CCDC3: variants seen among roughly 807,000 people sequenced by gnomAD.
CCDC3 encodes the protein coiled-coil domain containing 3.
CCDC3 carries 24 observed loss-of-function variants against 21.4 expected under a neutral mutation model. The observed-to-expected ratio is 1.12, with a 90% CI of 0.81 to 1.58. The LOEUF (loss-of-function observed/expected upper bound fraction) is 1.58, where lower values mean the gene tolerates loss of function less well. Among genes scored for constraint, CCDC3 ranks in the 40% most tolerant of loss-of-function variants. The pLI is 0.00. For synonymous variants in CCDC3, 186 were observed against 166.0 expected (o/e 1.12, Z -0.93); for missense variants, 425 against 360.9 (o/e 1.18, Z -1.44).
intron 2 of CCDC3, among the ~76,000 whole-genome samples, chr10:12,910,422 C>G (rs1010149663): frequency 6.6e-6 from 1 of 152,028 alleles, no homozygotes. Context: ...CATATGTCCC[C>G]AAATAAATTC....
intron 2 of CCDC3, among the ~76,000 whole-genome samples, chr10:12,923,826 GAGCAT>G (rs2131219349): frequency 6.6e-6 from 1 of 152,254 alleles, no homozygotes; most frequent in South Asian, 2.1e-4. Context: ...GTGCTATTCT[GAGCAT>G]AAAGGTTTCA....
In CCDC3 at chr10:13,007,107, T is replaced by C. The variant is rs80305992; in HGVS notation, c.-1-8595A>G. Among the ~76,000 whole-genome samples, 241 of 152,332 alleles carry C rather than the reference T, an allele frequency of 1.6e-3. 1 individual carries two copies. The highest frequency in any genetic ancestry group is 5.6e-3 in the African/African-American group (233 of 41,580). On this transcript the variant is annotated intron_variant, in intron 5 of 6. Transcript: ENST00000378839. ...TCCTGTACTAGAGTCATAACTTTTCTAGAAAGAGGAGAAACCACAGAGATG... is the reference window on the plus strand; with the variant it reads ...TCCTGTACTAGAGTCATAACTTTTCCAGAAAGAGGAGAAACCACAGAGATG...
intron 1 of CCDC3, 45 bp from the exon 2 acceptor site, chr10:12,998,557 G>C: frequency 6.4e-7 from 1 of 1,572,164 alleles, no homozygotes; most frequent in South Asian, 1.2e-5. Flanking sequence ...GACAGTCAAG[G>C]GTGTACCAGC....
chr10:12,950,543 T>C (rs1834992548), intron 2 of CCDC3, among the ~76,000 whole-genome samples: 1 of 152,206 alleles, frequency 6.6e-6, no homozygotes. Flanking sequence ...AGGCAAATTG[T>C]TCTCTACTGA....
chr10:12,964,744 C>G (rs10906271), intron 2 of CCDC3, among the ~76,000 whole-genome samples: 143,248 of 152,326 alleles, frequency 0.94, 67,855 homozygotes, highest in East Asian at 1. Context: ...TGCAGATGAA[C>G]AAAGAGACAA....
At chr10:12,998,577 G>A in intron 1 of CCDC3, 65 bp from the exon 2 acceptor site, 1 of 1,502,292 alleles carries the variant, frequency 6.7e-7, no homozygotes, top group Non-Finnish European at 9.0e-7. Context: ...CTCCAATCCA[G>A]AGTCACAGAC....
intron 3 of CCDC3, among the ~76,000 whole-genome samples, chr10:13,082,066 C>A (rs1271258981): frequency 2.0e-5 from 3 of 152,150 alleles, no homozygotes; most frequent in Non-Finnish European, 4.4e-5. Flanking sequence ...GGTCTTTCAC[C>A]CTGTGTGCAG....
chr10:13,000,425 C>T (rs1458200618), intron 1 of CCDC3, among the ~76,000 whole-genome samples: 1 of 152,104 alleles, frequency 6.6e-6, no homozygotes, highest in East Asian at 1.9e-4. Flanking sequence ...GTTCATGGAA[C>T]TTCAGAAGAT....
chr10:12,906,943 A>T (rs762693447), intron 2 of CCDC3, among the ~76,000 whole-genome samples: 7 of 152,150 alleles, frequency 4.6e-5, no homozygotes, highest in Non-Finnish European at 7.3e-5. Flanking sequence ...ATCTCTGCTC[A>T]CACCTTAACC....
At chr10:12,974,479 G>A (rs1835387299) in intron 2 of CCDC3, among the ~76,000 whole-genome samples, 1 of 152,238 alleles carries the variant, frequency 6.6e-6, no homozygotes, top group African/African-American at 2.4e-5. Context: ...TGATATTTAA[G>A]TGATATCAAT....
chr10:12,931,986 T>C (rs1834653821), intron 2 of CCDC3, among the ~76,000 whole-genome samples: 1 of 152,228 alleles, frequency 6.6e-6, no homozygotes, highest in Admixed American at 6.5e-5. Context: ...ATTTCTCTTG[T>C]ACCTCCTGTT....
At chr10:13,099,457 A>T (rs1588425877) in intron 1 of CCDC3, 1 of 104,390 alleles carries the variant, frequency 9.6e-6, no homozygotes, top group African/African-American at 3.8e-5. Flanking sequence ...CCATCCCTGC[A>T]GCGCTACCCG....
intron 2 of CCDC3, among the ~76,000 whole-genome samples, chr10:12,937,238 T>C (rs1469678125): frequency 6.6e-6 from 1 of 152,160 alleles, no homozygotes; most frequent in Admixed American, 6.5e-5. Context: ...ACCCTGTATT[T>C]TCCCGTTTGA....
chr10:13,076,551 C>T (rs1836966867), intron 3 of CCDC3, among the ~76,000 whole-genome samples: 1 of 152,188 alleles, frequency 6.6e-6, no homozygotes, highest in African/African-American at 2.4e-5. Context: ...TAAAGACTAA[C>T]TTCCTTCAAG....
Position 13,085,661 on chromosome 10 carries a change from C to T in CCDC3, c.-502-11561G>A, listed in dbSNP as rs569950618. Among the ~76,000 whole-genome samples, 6 of 152,216 alleles carry T rather than the reference C, an allele frequency of 3.9e-5. No individual in the cohort carries two copies. The South Asian group carries it at 1.2e-3, about 32-fold the overall frequency. On this transcript the variant is annotated intron_variant, in intron 3 of 6. Transcript: ENST00000378839. ...GAAAACTTTCAAATATTCCATAAAA[C>T]ATCAGAAATTCAAGGGACCATGAGG...
chr10:12,987,446 C>G (rs192432320), intron 2 of CCDC3, among the ~76,000 whole-genome samples: 2 of 152,176 alleles, frequency 1.3e-5, no homozygotes, highest in Admixed American at 6.5e-5. Context: ...AGTATGTTAC[C>G]TTTTTTTAAA....
chr10:13,080,134 G>A (rs772945799), intron 3 of CCDC3, among the ~76,000 whole-genome samples: 2 of 152,148 alleles, frequency 1.3e-5, no homozygotes, highest in Admixed American at 6.5e-5. Context: ...GACTGCAGCC[G>A]CATGGATCCC....
intron 3 of CCDC3, among the ~76,000 whole-genome samples, chr10:13,087,156 G>A (rs1444974133): frequency 6.6e-6 from 1 of 152,190 alleles, no homozygotes; most frequent in Non-Finnish European, 1.5e-5. Context: ...TGTAATCCCA[G>A]CACTTTGGAA....
intron 2 of CCDC3, among the ~76,000 whole-genome samples, chr10:12,925,967 A>C (rs1454032708): frequency 6.6e-6 from 1 of 152,260 alleles, no homozygotes; most frequent in Non-Finnish European, 1.5e-5. Flanking sequence ...ATTGGGCCAC[A>C]AAGGCAGAAT....
Sources: allele counts gnomAD v4.1 joint callset (sites outside exome capture counted in the v4.1 genomes callset), GRCh38; gene constraint gnomAD v4.1.1; transcripts MANE v1.5; gene names NCBI Gene and HGNC (gene_info 2026-07-23, HGNC 2026-07-21).